PDZRN3: variants seen among roughly 807,000 people sequenced by gnomAD.
PDZRN3 encodes the protein PDZ domain containing ring finger 3.
PDZRN3 carries 38 observed loss-of-function variants against 85.7 expected under a neutral mutation model. That is an observed-to-expected ratio of 0.44 (90% confidence interval 0.34 to 0.58). The LOEUF (loss-of-function observed/expected upper bound fraction) is 0.58, where lower values mean the gene tolerates loss of function less well. Ranked by LOEUF, PDZRN3 falls within the 20% of genes least tolerant of loss-of-function variation. The pLI is 0.01. For synonymous variants in PDZRN3, 759 were observed against 638.0 expected, an observed-to-expected ratio of 1.19 and a Z score of -2.86; for missense variants, 1,629 against 1,506.4, an observed-to-expected ratio of 1.08 and a Z score of -1.35.
chr3:73,416,049 G>C (rs1702074676), intron 3 of PDZRN3, among the ~76,000 whole-genome samples: 2 of 151,078 alleles, frequency 1.3e-5, no homozygotes, highest in South Asian at 4.2e-4. Flanking sequence ...GAATCCACAA[G>C]ATTAAGGGTT....
At chr3:73,392,485 T>C (rs987927462) in intron 5 of PDZRN3, among the ~76,000 whole-genome samples, 1 of 152,236 alleles carries the variant, frequency 6.6e-6, no homozygotes, top group South Asian at 2.1e-4. Context: ...AGCTCGATCA[T>C]GAGCTTGTTA....
intron 3 of PDZRN3, among the ~76,000 whole-genome samples, chr3:73,565,350 G>C (rs1477561905): frequency 1.3e-5 from 2 of 151,836 alleles, no homozygotes; most frequent in East Asian, 3.9e-4. Context: ...GGCTGGTACT[G>C]AACTCCTGAC....
chr3:73,523,319 A>G (rs1285807047), intron 3 of PDZRN3, among the ~76,000 whole-genome samples: 2 of 152,192 alleles, frequency 1.3e-5, no homozygotes, highest in Middle Eastern at 3.4e-3. Context: ...AAGCCACCAT[A>G]CGGGGCCAAA....
At position 73,386,637 on chromosome 3, in the gene PDZRN3, A is replaced by G. The variant is rs139529176; in HGVS notation, c.1519-852T>C. 2.9e-3 allele frequency among the ~76,000 whole-genome samples: 444 copies of G among 152,388 alleles called. 4 individuals carry two copies. The highest frequency in any genetic ancestry group is 0.01 in the African/African-American group (427 of 41,598). ...AAAAAAGTTGAATGAGAACACAGCC[A>G]TGCTCATTCGCTGACATAATTGTCT... On this transcript the variant is annotated intron_variant, in intron 8 of 9. Coordinates refer to ENST00000263666, the MANE Select transcript of PDZRN3 (RefSeq NM_015009.3).
At position 73,406,580 on chromosome 3, in the gene PDZRN3, C is replaced by T. The variant is rs532104279; in HGVS notation, c.919-2185G>A. Among the ~76,000 whole-genome samples, 16 of 152,252 alleles carry T rather than the reference C, an allele frequency of 1.1e-4. No individual in the cohort carries two copies. In the South Asian group the frequency reaches 3.3e-3, roughly 32 times the overall value. Reference sequence around the variant, plus strand: ...ACCACCCAGTCACGCTGGTCTTCTGCCCTTGGTATTCCCTGGGAATGGCTT... The same window carrying T: ...ACCACCCAGTCACGCTGGTCTTCTGTCCTTGGTATTCCCTGGGAATGGCTT... On this transcript the variant is annotated intron_variant, in intron 3 of 9. Coordinates refer to ENST00000263666, the MANE Select transcript of PDZRN3 (RefSeq NM_015009.3).
intron 3 of PDZRN3, among the ~76,000 whole-genome samples, chr3:73,423,668 G>A (rs1702246790): frequency 6.6e-6 from 1 of 152,174 alleles, no homozygotes; most frequent in South Asian, 2.1e-4. Context: ...TTTTACAGAT[G>A]AAGAATGCTT....
chr3:73,454,951 T>C (rs1366622679), intron 3 of PDZRN3, among the ~76,000 whole-genome samples: 1 of 152,182 alleles, frequency 6.6e-6, no homozygotes, highest in East Asian at 1.9e-4. Flanking sequence ...AAGAAATGTC[T>C]TGATTTTCTA....
intron 8 of PDZRN3, among the ~76,000 whole-genome samples, chr3:73,386,784 T>C (rs1701400300): frequency 6.6e-6 from 1 of 152,224 alleles, no homozygotes; most frequent in Non-Finnish European, 1.5e-5. Context: ...GTGAGATGAT[T>C]GCTGAAGTTC....
At chr3:73,576,727 G>A (rs1702129598) in intron 3 of PDZRN3, among the ~76,000 whole-genome samples, 1 of 152,126 alleles carries the variant, frequency 6.6e-6, no homozygotes, top group South Asian at 2.1e-4. Flanking sequence ...CTTGTTGATA[G>A]ACATGAATAT....
At position 73,608,623 on chromosome 3, in the gene PDZRN3, T is replaced by C. The variant is rs760094917; in HGVS notation, c.785A>G (p.Asn262Ser). 2.5e-6 allele frequency: 4 copies of C among 1,612,452 alleles called. No individual in the cohort carries two copies. Among genetic ancestry groups the C allele is most frequent in the East Asian group, 4.5e-5 (2 of 44,860 alleles). Residue 262 changes from asparagine (N) to serine (S), a missense_variant, in exon 2 of 10, where the codon AAT (asparagine) becomes AGT (serine). Physicochemically the swap from Asn to Ser is conservative, Grantham distance 46 (BLOSUM62 1). Transcript: ENST00000263666. The part of the protein sequence containing the change: ...LHRDSGSLGF[N>S]IIGGRPSVDN... ...CACACTCGGCCGGCCACCAATAATATTGAATCCCAGGGAGCCGGAGTCCCG... is the reference window on the plus strand; with the variant it reads ...CACACTCGGCCGGCCACCAATAATACTGAATCCCAGGGAGCCGGAGTCCCG...
intron 3 of PDZRN3, among the ~76,000 whole-genome samples, chr3:73,554,486 A>C (rs1701643578): frequency 6.6e-6 from 1 of 152,058 alleles, no homozygotes; most frequent in Non-Finnish European, 1.5e-5. Context: ...ATCACTCTTC[A>C]CAGAAGCATG....
At chr3:73,480,466 T>C (rs1329899107) in intron 3 of PDZRN3, among the ~76,000 whole-genome samples, 1 of 152,182 alleles carries the variant, frequency 6.6e-6, no homozygotes, top group Non-Finnish European at 1.5e-5. Flanking sequence ...CTTCCAAATT[T>C]TAGTCTAACT....
chr3:73,531,887 C>A (rs1220273600), intron 3 of PDZRN3, among the ~76,000 whole-genome samples: 4 of 152,188 alleles, frequency 2.6e-5, no homozygotes, highest in Non-Finnish European at 5.9e-5. Flanking sequence ...CACTTTCAGC[C>A]CCTGCTGATA....
Position 73,383,327 on chromosome 3 carries a change from T to C in PDZRN3, c.*38A>G. 6.5e-7 allele frequency: 1 copy of C among 1,535,014 alleles called. No homozygotes were observed. The highest frequency in any genetic ancestry group is 8.8e-7 in the Non-Finnish European group (1 of 1,138,576). On this transcript the variant is annotated 3_prime_UTR_variant, in exon 10 of 10. Transcript: ENST00000263666. ...GAGGCAGGAATTTCTACCCCAGTGG[T>C]AGTGGTCTCCTTTATGTACATAATG...
rs1320651710 is a variant in PDZRN3, at chr3:73,563,002, T to C, written c.918+39352A>G. ...GGCAAATTATATATATATATATATATATATATATATATTTTTTTTTTTTTT... is the reference window on the plus strand; with the variant it reads ...GGCAAATTATATATATATATATATACATATATATATATTTTTTTTTTTTTT... On this transcript the variant is annotated intron_variant, in intron 3 of 9. Coordinates refer to ENST00000263666, the MANE Select transcript of PDZRN3 (RefSeq NM_015009.3). Among the ~76,000 whole-genome samples the C allele has an allele frequency of 4.4e-3, 157 of 35,974 alleles. 3 individuals carry two copies. Among genetic ancestry groups the C allele is most frequent in the African/African-American group, 0.019 (153 of 7,870 alleles). 23.6% of individuals were successfully genotyped at this position (35,974 alleles called of 152,430 possible). A position where few individuals can be genotyped will look rare whatever the true frequency, so the allele number is the denominator to read the frequency against.
At chr3:73,427,441 C>A (rs567763846) in intron 3 of PDZRN3, among the ~76,000 whole-genome samples, 11 of 152,158 alleles carry the variant, frequency 7.2e-5, no homozygotes, top group Admixed American at 2.6e-4. Flanking sequence ...CCCACCCCCC[C>A]ACCACCGCCC....
At chr3:73,398,136 A>T (rs74674268) in intron 5 of PDZRN3, among the ~76,000 whole-genome samples, 1 of 152,184 alleles carries the variant, frequency 6.6e-6, no homozygotes, top group Non-Finnish European at 1.5e-5. Context: ...AGTTTTCTAA[A>T]CACCTGCGTT....
chr3:73,432,138 A>G (rs147030530), intron 3 of PDZRN3, among the ~76,000 whole-genome samples: 3 of 152,212 alleles, frequency 2.0e-5, no homozygotes, highest in African/African-American at 7.2e-5. Flanking sequence ...ACCTTGCCCA[A>G]ATGGCAGCGT....
At chr3:73,469,582 T>C (rs755457853) in intron 3 of PDZRN3, among the ~76,000 whole-genome samples, 1 of 152,204 alleles carries the variant, frequency 6.6e-6, no homozygotes, top group African/African-American at 2.4e-5. Flanking sequence ...GCCCAAAAGC[T>C]TTTGGCCAAC....
Sources: allele counts gnomAD v4.1 joint callset (sites outside exome capture counted in the v4.1 genomes callset), GRCh38; gene constraint gnomAD v4.1.1; transcripts MANE v1.5; gene names NCBI Gene and HGNC (gene_info 2026-07-23, HGNC 2026-07-21).